The following RPS6KC1 variants were observed in gnomAD, a reference collection of about 807,000 sequenced individuals.
The protein encoded by RPS6KC1 is ribosomal protein S6 kinase C1, also known as inactive ribosomal protein S6 kinase delta-1.
A neutral mutation model predicts 103.8 loss-of-function variants in RPS6KC1; 54 were observed. That is an observed-to-expected ratio of 0.52 (90% CI 0.42 to 0.65). The LOEUF is 0.65. Ranked by LOEUF, RPS6KC1 falls within the 30% of genes least tolerant of loss-of-function variation. The pLI, the probability that RPS6KC1 is intolerant of heterozygous loss-of-function variation, is 0.00. For synonymous variants in RPS6KC1, 439 were observed against 438.7 expected (o/e 1.00, Z -0.01); for missense variants, 1,151 against 1,253.8 (o/e 0.92, Z 1.24).
At chr1:213,765,600 G>A in the RPS6KC1 span, among the ~76,000 whole-genome samples, 10 of 152,024 alleles carry the variant, frequency 6.6e-5, no homozygotes, top group East Asian at 1.9e-3. Context: ...CATAATATTT[G>A]TTGAACCGCA....
At chr1:213,264,269 G>C (rs564740721) in intron 14 of RPS6KC1, among the ~76,000 whole-genome samples, 18 of 152,226 alleles carry the variant, frequency 1.2e-4, no homozygotes, top group African/African-American at 4.1e-4. Flanking sequence ...GAAATGTTGA[G>C]ATGAGAATAC....
the RPS6KC1 span, among the ~76,000 whole-genome samples, chr1:213,441,067 C>T: frequency 6.6e-6 from 1 of 152,178 alleles, no homozygotes; most frequent in Non-Finnish European, 1.5e-5. Context: ...ATACACAGCT[C>T]TTCGGGGGAT....
the RPS6KC1 span, among the ~76,000 whole-genome samples, chr1:213,419,280 G>A: frequency 1.3e-5 from 2 of 152,192 alleles, no homozygotes; most frequent in Admixed American, 6.5e-5. Flanking sequence ...CACATTGTCC[G>A]GTTTTGTCTG....
At chr1:213,782,873 A>G in the RPS6KC1 span, among the ~76,000 whole-genome samples, 36 of 152,338 alleles carry the variant, frequency 2.4e-4, no homozygotes, top group Non-Finnish European at 3.7e-4. Flanking sequence ...CCTGAAGGCC[A>G]CATGGGACGC....
chr1:213,673,465 G>C, the RPS6KC1 span, among the ~76,000 whole-genome samples: 1 of 152,202 alleles, frequency 6.6e-6, no homozygotes, highest in South Asian at 2.1e-4. Context: ...TTAGCAGCTG[G>C]AAGTGATGAT....
At chr1:213,068,112 A>G (rs977739123) in intron 1 of RPS6KC1, among the ~76,000 whole-genome samples, 5 of 152,314 alleles carry the variant, frequency 3.3e-5, no homozygotes, top group African/African-American at 4.8e-5. Context: ...CCTTGCTGTG[A>G]GTGATCATGT....
At chr1:213,154,315 G>A (rs1243143600) in intron 6 of RPS6KC1, among the ~76,000 whole-genome samples, 2 of 152,228 alleles carry the variant, frequency 1.3e-5, no homozygotes, top group Non-Finnish European at 2.9e-5. Flanking sequence ...AGCAAAGCCA[G>A]CCAGGCCTGT....
the RPS6KC1 span, among the ~76,000 whole-genome samples, chr1:213,717,141 A>T: frequency 2.6e-5 from 4 of 152,206 alleles, no homozygotes; most frequent in African/African-American, 7.2e-5. Context: ...CTAGATTCAG[A>T]GGCTTGGGTC....
the RPS6KC1 span, among the ~76,000 whole-genome samples, chr1:213,641,610 T>C: frequency 6.6e-6 from 1 of 152,000 alleles, no homozygotes; most frequent in East Asian, 1.9e-4. Flanking sequence ...TATATTTTCT[T>C]AGGATTAAAT....
the RPS6KC1 span, among the ~76,000 whole-genome samples, chr1:213,759,759 A>G: frequency 1.3e-5 from 2 of 152,242 alleles, no homozygotes; most frequent in Non-Finnish European, 2.9e-5. Flanking sequence ...CTTAGGACCC[A>G]GGGATTTCCC....
chr1:213,252,855 C>T (rs61832475), intron 12 of RPS6KC1, among the ~76,000 whole-genome samples: 5,064 of 152,098 alleles, frequency 0.033, 110 homozygotes, highest in Middle Eastern at 0.054. Flanking sequence ...TTGGATAAAG[C>T]ATTATGTTAC....
chr1:213,627,926 T>C, the RPS6KC1 span, among the ~76,000 whole-genome samples: 17 of 152,224 alleles, frequency 1.1e-4, no homozygotes, highest in African/African-American at 4.1e-4. Flanking sequence ...ATCAGGATAA[T>C]GTTGGCCTCA....
At chr1:213,762,274 A>C in the RPS6KC1 span, among the ~76,000 whole-genome samples, 1 of 152,164 alleles carries the variant, frequency 6.6e-6, no homozygotes, top group African/African-American at 2.4e-5. Flanking sequence ...ACAACTCAGC[A>C]CAGAGTTTAG....
the RPS6KC1 span, among the ~76,000 whole-genome samples, chr1:213,564,064 A>G: frequency 6.9e-6 from 1 of 143,940 alleles, no homozygotes; most frequent in Non-Finnish European, 1.5e-5. Context: ...TATTACTGTT[A>G]GTAATGAATT....
the RPS6KC1 span, among the ~76,000 whole-genome samples, chr1:213,765,098 T>C: frequency 3.9e-5 from 6 of 152,144 alleles, no homozygotes; most frequent in Admixed American, 3.3e-4. Flanking sequence ...GTCATCCTGG[T>C]GCACCAAGCT....
intron 1 of RPS6KC1, among the ~76,000 whole-genome samples, chr1:213,061,971 C>T (rs2077882027): frequency 6.6e-6 from 1 of 152,158 alleles, no homozygotes; most frequent in Admixed American, 6.5e-5. Flanking sequence ...GACTTGATTA[C>T]AATACTTTGC....
chr1:213,108,621 T>C (rs1558332125), intron 4 of RPS6KC1, among the ~76,000 whole-genome samples: 1 of 151,886 alleles, frequency 6.6e-6, no homozygotes, highest in South Asian at 2.1e-4. Flanking sequence ...AAAATTCTCA[T>C]AGAATTTTAA....
At chr1:213,586,826 C>T in the RPS6KC1 span, among the ~76,000 whole-genome samples, 4 of 152,216 alleles carry the variant, frequency 2.6e-5, no homozygotes, top group Admixed American at 2.6e-4. Context: ...CCAGTCTCTG[C>T]TCCCAGCAGG....
intron 8 of RPS6KC1, among the ~76,000 whole-genome samples, chr1:213,217,640 T>C (rs1304297521): frequency 1.3e-5 from 2 of 152,154 alleles, no homozygotes; most frequent in African/African-American, 2.4e-5. Context: ...ACTGGCAAAC[T>C]GAATCCAGCA....
Sources: gnomAD v4.1 joint callset for allele counts (sites outside exome capture counted in the v4.1 genomes callset) on GRCh38, gnomAD v4.1.1 for gene constraint, MANE v1.5 for transcripts, NCBI Gene and HGNC (gene_info 2026-07-23, HGNC 2026-07-21) for gene names.